The following TTPA variants were observed in gnomAD, a reference collection of about 807,000 sequenced individuals.
TTPA encodes the protein alpha-tocopherol transfer protein.
TTPA carries 23 observed loss-of-function variants against 25.9 expected under a neutral mutation model. That is an observed-to-expected ratio of 0.89 (90% CI 0.64 to 1.26). The LOEUF is 1.26. Among genes scored for constraint, TTPA ranks in the 50% most tolerant of loss-of-function variants. TTPA has a pLI of 0.00. For synonymous variants in TTPA, 148 were observed against 137.3 expected, an observed-to-expected ratio of 1.08 and a Z score of -0.54; for missense variants, 337 against 353.1, an observed-to-expected ratio of 0.95 and a Z score of 0.37.
At chr8:63,061,714 G>A (rs1418765540) in intron 4 of TTPA, among the ~76,000 whole-genome samples, 1 of 152,110 alleles carries the variant, frequency 6.6e-6, no homozygotes. Flanking sequence ...ATTAAATAAA[G>A]TTATTTTATA....
chr8:63,073,952 C>A (rs1017306022), intron 1 of TTPA, among the ~76,000 whole-genome samples: 4 of 152,018 alleles, frequency 2.6e-5, no homozygotes, highest in Non-Finnish European at 5.9e-5. Context: ...ACAAACACTA[C>A]CAGCATATTG....
rs1805380120 is a variant in TTPA at position 63,065,847 on chromosome 8, A to G, written c.552+57T>C. 5 of 1,574,482 alleles carry G rather than the reference A, an allele frequency of 3.2e-6. No individual in the cohort carries two copies. In the Admixed American group the frequency reaches 6.8e-5, roughly 21 times the overall value. ...TGCTTCTCTTTGTCTAACATATAACAAAATTTAAAACTATAATTTGGAAGT... is the reference window on the plus strand; with the variant it reads ...TGCTTCTCTTTGTCTAACATATAACGAAATTTAAAACTATAATTTGGAAGT... On this transcript the variant is annotated intron_variant, in intron 3 of 4. Transcript: ENST00000260116.
At chr8:63,081,660 A>G (rs1327393681) in intron 1 of TTPA, among the ~76,000 whole-genome samples, 1 of 152,174 alleles carries the variant, frequency 6.6e-6, no homozygotes, top group Non-Finnish European at 1.5e-5. Context: ...GGCAAGAGAA[A>G]GAAATAAAGG....
At chr8:63,066,981 G>T (rs6981904) in intron 2 of TTPA, among the ~76,000 whole-genome samples, 3,884 of 151,916 alleles carry the variant, frequency 0.026, 173 homozygotes, top group African/African-American at 0.089. Flanking sequence ...TGGCTGAGGT[G>T]GGGGGAGGGG....
chr8:63,074,703 C>T (rs1805535723), intron 1 of TTPA, among the ~76,000 whole-genome samples: 1 of 152,114 alleles, frequency 6.6e-6, no homozygotes, highest in African/African-American at 2.4e-5. Context: ...CTGATAGTTT[C>T]CTCAGACATA....
chr8:63,085,001 G>A (rs1805725116), intron 1 of TTPA, among the ~76,000 whole-genome samples: 1 of 152,216 alleles, frequency 6.6e-6, no homozygotes, highest in South Asian at 2.1e-4. Flanking sequence ...AAGCCACTTA[G>A]AGAAAGGGCT....
intron 1 of TTPA, among the ~76,000 whole-genome samples, chr8:63,085,400 A>T (rs986130736): frequency 6.6e-6 from 1 of 152,132 alleles, no homozygotes; most frequent in East Asian, 1.9e-4. Context: ...TCCCCGCTAT[A>T]CGTAGTTAAT....
At chr8:63,082,046 C>T (rs1048637313) in intron 1 of TTPA, among the ~76,000 whole-genome samples, 5 of 152,136 alleles carry the variant, frequency 3.3e-5, no homozygotes, top group African/African-American at 1.2e-4. Flanking sequence ...GAATCAATAT[C>T]ATGAAAATGG....
rs1805353885 is a variant in TTPA, at chr8:63,064,272, T to C, written c.597A>G (p.Glu199=). The change falls in exon 4 of 5, where the codon GAA becomes GAG. Residue 199 remains glutamate, a synonymous_variant. Transcript: ENST00000260116. ...LKVRGIHLIN[E]PVIFHAVFSM... ...AAAAGACAGCATGGAAAATTACTGG[T>C]TCATTTATCAAATGGATGCCACGAA... 1 of 1,613,144 alleles carries C rather than the reference T, an allele frequency of 6.2e-7. No individual in the cohort carries two copies. The highest frequency in any genetic ancestry group is 8.5e-7 in the Non-Finnish European group (1 of 1,179,512).
At chr8:63,063,019 C>G (rs7386567) in intron 4 of TTPA, among the ~76,000 whole-genome samples, 60,684 of 151,974 alleles carry the variant, frequency 0.4, 12,180 homozygotes, top group South Asian at 0.48. Flanking sequence ...TGCATAACCT[C>G]TAAAGAAGCT....
intron 1 of TTPA, among the ~76,000 whole-genome samples, chr8:63,075,903 T>C (rs1805555621): frequency 6.6e-6 from 1 of 152,122 alleles, no homozygotes; most frequent in African/African-American, 2.4e-5. Flanking sequence ...AAGATAATTA[T>C]AGCATAAAAA....
chr8:63,076,430 G>A (rs536732663), intron 1 of TTPA, among the ~76,000 whole-genome samples: 1 of 152,072 alleles, frequency 6.6e-6, no homozygotes, highest in African/African-American at 2.4e-5. Flanking sequence ...AGAGGAAAAT[G>A]AAAAAAAGTT....
chr8:63,066,908 A>C (rs1464632721), intron 2 of TTPA, among the ~76,000 whole-genome samples: 1 of 152,166 alleles, frequency 6.6e-6, no homozygotes, highest in Non-Finnish European at 1.5e-5. Flanking sequence ...GGAGACACTA[A>C]AAAACATAAT....
chr8:63,062,386 G>C (rs1020967212), intron 4 of TTPA, among the ~76,000 whole-genome samples: 5 of 152,030 alleles, frequency 3.3e-5, no homozygotes, highest in African/African-American at 1.2e-4. Context: ...TCACTTTCTA[G>C]GGCAAAATGT....
At chr8:63,069,293 A>T (rs1000387118) in intron 2 of TTPA, among the ~76,000 whole-genome samples, 5 of 86,392 alleles carry the variant, frequency 5.8e-5, no homozygotes, top group East Asian at 2.6e-4. Context: ...ATAATGATTA[A>T]AAAAAAAAAA....
At chr8:63,068,879 G>T (rs552741471) in intron 2 of TTPA, among the ~76,000 whole-genome samples, 1 of 152,244 alleles carries the variant, frequency 6.6e-6, no homozygotes, top group East Asian at 1.9e-4. Flanking sequence ...TTCTGGCCGG[G>T]CATGGTGGCT....
intron 2 of TTPA, among the ~76,000 whole-genome samples, chr8:63,068,965 G>C (rs2129753403): frequency 6.6e-6 from 1 of 151,922 alleles, no homozygotes; most frequent in Admixed American, 6.6e-5. Context: ...GACCAGCCTG[G>C]CCAGCATGGT....
intron 4 of TTPA, 77 bp downstream of exon 4, chr8:63,064,129 G>C (rs1585686908): frequency 9.4e-7 from 1 of 1,064,168 alleles, no homozygotes; most frequent in East Asian, 2.5e-5. Context: ...GAGGAAAGAT[G>C]ATAAAGCAAT....
rs565583075 is a variant in TTPA, at chr8:63,060,756, A to G, written c.*496T>C. The G allele has an allele frequency of 2.6e-5, 4 of 156,752 alleles. No homozygotes were observed. 9.7% of individuals were successfully genotyped at this position (156,752 alleles called of 1,614,324 possible). On this transcript the variant is annotated 3_prime_UTR_variant, in exon 5 of 5. Transcript: ENST00000260116. ...TGAAATGTCTTGCTGGTCCACAGGA[A>G]TAACCATAAAACTCTATTCAGATTT...
Sources: allele counts gnomAD v4.1 joint callset (sites outside exome capture counted in the v4.1 genomes callset), GRCh38; gene constraint gnomAD v4.1.1; transcripts MANE v1.5; gene names NCBI Gene and HGNC (gene_info 2026-07-23, HGNC 2026-07-21).